The following BANP variants were observed in gnomAD, a reference collection of about 807,000 sequenced individuals.
BANP encodes BTG3 associated nuclear protein, also known as protein BANP.
A neutral mutation model predicts 68.1 loss-of-function variants in BANP; 11 were observed. The observed-to-expected ratio is 0.16, with a 90% CI of 0.10 to 0.27. The LOEUF is 0.27. Among genes scored for constraint, BANP ranks in the 10% least tolerant of loss-of-function variants. The probability of loss-of-function intolerance (pLI) is 1.00; values close to 1 mark genes in which losing one functional copy is unlikely to be tolerated. For missense variants in BANP, 504 were observed against 722.7 expected, an observed-to-expected ratio of 0.70 and a Z score of 3.47; for synonymous variants, 329 against 303.2, an observed-to-expected ratio of 1.09 and a Z score of -0.88.
In BANP at chr16:88,072,193, A is replaced by T. The variant is rs1282801368; in HGVS notation, c.1502A>T (p.Asp501Val). The T allele has an allele frequency of 5.0e-6, 8 of 1,610,572 alleles. No homozygotes were observed. The highest frequency in any genetic ancestry group is 6.8e-6 in the Non-Finnish European group (8 of 1,179,550). Residue 501 changes from aspartate to valine, a missense_variant, in exon 13 of 14, where the codon GAC (aspartate) becomes GTC (valine). Physicochemically the swap from Asp to Val is radical, Grantham distance 152. Around this residue, in one of 3 missense-constraint regions of BANP, gnomAD observed 223 missense variants for 246.2 expected, o/e 0.91. Coordinates refer to ENST00000682872, the MANE Select transcript of BANP (RefSeq NM_001386991.1). Reference sequence around the variant, plus strand: ...TACGTGCAGCTGGCGCCAGTGAGTGACCACACGGCCGGGGCACAGGTGAGT... The same window carrying T: ...TACGTGCAGCTGGCGCCAGTGAGTGTCCACACGGCCGGGGCACAGGTGAGT... ...VQYVQLAPVS[D>V]HTAGAQTAEA...
In BANP at chr16:88,004,350, G is replaced by C; in HGVS notation, c.418G>C (p.Ala140Pro). Residue 140 changes from alanine to proline, a missense_variant, in exon 5 of 14, where the codon GCC (alanine) becomes CCC (proline). Coordinates refer to ENST00000682872, the MANE Select transcript of BANP (RefSeq NM_001386991.1). The surrounding 1 kb of genome is among the most constrained non-coding windows in gnomAD (Gnocchi z 7.0). The part of the protein sequence containing the change: ...LNNDRQNAIV[A>P]KMEDPLSNRA... ...CAATGATCGGCAGAACGCCATTGTA[G>C]CCAAGATGGAAGACCCCTTGAGCAA... The C allele has an allele frequency of 6.4e-7, 1 of 1,550,578 alleles. No homozygotes were observed. Among genetic ancestry groups the C allele is most frequent in the Non-Finnish European group, 8.7e-7 (1 of 1,146,700 alleles).
At chr16:87,990,961 A>T (rs1465318421) in intron 4 of BANP, among the ~76,000 whole-genome samples, 4 of 152,028 alleles carry the variant, frequency 2.6e-5, no homozygotes, top group African/African-American at 7.3e-5. Context: ...ACGGGGTTTC[A>T]CCGTGTTAGC....
At chr16:88,047,100 G>T (rs899318656) in intron 11 of BANP, among the ~76,000 whole-genome samples, 1 of 152,064 alleles carries the variant, frequency 6.6e-6, no homozygotes. Context: ...TCATGTGAAC[G>T]TGTTTTGGTG....
chr16:88,019,743 CA>C (rs1390229531), intron 7 of BANP, among the ~76,000 whole-genome samples: 2 of 144,462 alleles, frequency 1.4e-5, no homozygotes, highest in Admixed American at 1.4e-4. Flanking sequence ...CGTGCAGGGC[CA>C]GCTGTTCCAG....
At chr16:88,005,647 T>A (rs955027136) in intron 5 of BANP, among the ~76,000 whole-genome samples, 4 of 152,208 alleles carry the variant, frequency 2.6e-5, no homozygotes, top group Non-Finnish European at 5.9e-5. Context: ...GTGGGAGTGC[T>A]GCTCGCATTG....
chr16:88,068,504 G>A (rs1484991265), intron 12 of BANP, among the ~76,000 whole-genome samples: 7 of 152,204 alleles, frequency 4.6e-5, no homozygotes, highest in Admixed American at 4.6e-4. Flanking sequence ...GACAGCCCCT[G>A]AGGATATTTT....
chr16:88,068,020 G>A (rs1007854212), intron 12 of BANP, among the ~76,000 whole-genome samples: 2 of 150,592 alleles, frequency 1.3e-5, no homozygotes, highest in African/African-American at 2.5e-5. Context: ...GACACGCCAC[G>A]TGTGTGATGA....
rs1325937586 is a variant in BANP, at chr16:87,957,223, G to A, written c.-69+5708G>A. Among the ~76,000 whole-genome samples the A allele has an allele frequency of 1.3e-5, 2 of 152,226 alleles. No homozygotes were observed. Among genetic ancestry groups the A allele is most frequent in the South Asian group, 2.1e-4 (1 of 4,824 alleles). On this transcript the variant is annotated intron_variant, in intron 1 of 13. Transcript: ENST00000682872. This position sits in a 1 kb window ranked among gnomAD's most constrained non-coding sequence, Gnocchi z 4.3. ...GGGGAAGGGGTCAGTGGTGGTGGAG[G>A]ATGGCGCGGTGCTCCATTCGGAACC...
intron 3 of BANP, among the ~76,000 whole-genome samples, 161 bp downstream of exon 3, chr16:87,981,288 G>C (rs1428513177): frequency 6.6e-6 from 1 of 152,228 alleles, no homozygotes; most frequent in African/African-American, 2.4e-5. Flanking sequence ...TCCCTCCAAA[G>C]GTTCTAGAAG....
intron 6 of BANP, among the ~76,000 whole-genome samples, chr16:88,007,201 C>G (rs7405244): frequency 0.93 from 140,601 of 151,964 alleles, 65,270 homozygotes; most frequent in East Asian, 1. Flanking sequence ...ATGGCCCCCT[C>G]TAACCTTTCG....
At chr16:87,999,343 C>G (rs1279683049) in intron 4 of BANP, among the ~76,000 whole-genome samples, 1 of 146,178 alleles carries the variant, frequency 6.8e-6, no homozygotes. Context: ...CGCACATGCG[C>G]GGCTGTACTT....
Position 88,023,236 on chromosome 16 carries a change from C to A in BANP, c.896-4247C>A, listed in dbSNP as rs189206059. The stretch of plus-strand genomic sequence containing the variant: ...CAGAGCCTCCTTCTCAGCAGGTCAC[C>A]CAGAAGCTGTGACCTGGAGGTGGTC... On this transcript the variant is annotated intron_variant, in intron 7 of 13. Transcript: ENST00000682872. Among the ~76,000 whole-genome samples the A allele has an allele frequency of 6.3e-3, 966 of 152,160 alleles. 5 individuals are homozygous for A. The highest frequency in any genetic ancestry group is 0.01 in the Non-Finnish European group (694 of 67,996).
At chr16:88,075,973 T>C (rs1293006393) in intron 13 of BANP, among the ~76,000 whole-genome samples, 1 of 152,188 alleles carries the variant, frequency 6.6e-6, no homozygotes, top group African/African-American at 2.4e-5. Context: ...CTTGAACTCC[T>C]GACCTCAAGT....
At chr16:88,041,657 C>G (rs1366519249) in intron 11 of BANP, among the ~76,000 whole-genome samples, 2 of 148,658 alleles carry the variant, frequency 1.3e-5, no homozygotes, top group African/African-American at 5.0e-5. Flanking sequence ...CTGCCTCGAC[C>G]TCCTTTCCCT....
chr16:87,989,272 C>T (rs1488428786), intron 4 of BANP, among the ~76,000 whole-genome samples: 6 of 152,158 alleles, frequency 3.9e-5, no homozygotes, highest in African/African-American at 1.2e-4. Flanking sequence ...CCTGCAGGTG[C>T]GCCATCAGTT....
intron 12 of BANP, among the ~76,000 whole-genome samples, chr16:88,067,417 C>T (rs940636969): frequency 6.6e-6 from 1 of 152,138 alleles, no homozygotes; most frequent in African/African-American, 2.4e-5. Context: ...CGAGCTGGAA[C>T]CAGGCTGTGA....
chr16:88,063,469 C>T (rs1199470409), intron 11 of BANP, among the ~76,000 whole-genome samples: 2 of 152,220 alleles, frequency 1.3e-5, no homozygotes, highest in African/African-American at 4.8e-5. Context: ...TCCACCAGGT[C>T]CATAGAGAAA....
intron 11 of BANP, among the ~76,000 whole-genome samples, chr16:88,046,056 A>T (rs1251556307): frequency 6.6e-6 from 1 of 152,156 alleles, no homozygotes; most frequent in African/African-American, 2.4e-5. Flanking sequence ...TCAAAAACTG[A>T]CCACACTGGC....
At chr16:87,969,444 T>C (rs2060711571) in intron 1 of BANP, among the ~76,000 whole-genome samples, 1 of 152,144 alleles carries the variant, frequency 6.6e-6, no homozygotes, top group Non-Finnish European at 1.5e-5. Flanking sequence ...TCTGGCGAAG[T>C]GTGTCATATT....
Sources: gnomAD v4.1 joint callset for allele counts (sites outside exome capture counted in the v4.1 genomes callset) on GRCh38, gnomAD v4.1.1 for gene constraint, gnomAD v4.1.1 regional missense constraint, Gnocchi (gnomAD v3.1) non-coding constraint, MANE v1.5 for transcripts, NCBI Gene and HGNC (gene_info 2026-07-23, HGNC 2026-07-21) for gene names.